The following PCDH15 variants were observed in gnomAD, a reference collection of about 807,000 sequenced individuals.
PCDH15 encodes the protein protocadherin-15.
Under a neutral mutation model 178.5 loss-of-function variants are expected in PCDH15, and 129 were observed. That is an observed-to-expected ratio of 0.72 (90% confidence interval 0.63 to 0.84). PCDH15 has a LOEUF of 0.84. Among genes scored for constraint, PCDH15 ranks in the 40% least tolerant of loss-of-function variants. The pLI is 0.00. For synonymous variants in PCDH15, 800 were observed against 732.0 expected (o/e 1.09, Z -1.50); for missense variants, 2,230 against 2,099.9 (o/e 1.06, Z -1.21).
chr10:54,759,319 G>A (rs899088256), intron 1 of PCDH15, among the ~76,000 whole-genome samples: 1 of 152,018 alleles, frequency 6.6e-6, no homozygotes, highest in Admixed American at 6.6e-5. Context: ...TCCTAAATTT[G>A]CTGTGAACCC....
rs531810280 is a variant in PCDH15 at position 55,091,830 on chromosome 10, C to T, written c.-80+74746G>A. Among the ~76,000 whole-genome samples, 11 of 151,874 alleles carry T rather than the reference C, an allele frequency of 7.2e-5. No individual in the cohort carries two copies. In the South Asian group the frequency reaches 1.5e-3, roughly 20 times the overall value. ...GGTAAGGACTCCTGTAATTTTGATA[C>T]AAATCCTTACCAAAAAACAAACAAA... On this transcript the variant is annotated intron_variant, in intron 2 of 5. Transcript: ENST00000458638.
intron 3 of PCDH15, among the ~76,000 whole-genome samples, chr10:54,439,200 G>A (rs1399748049): frequency 6.6e-6 from 1 of 151,976 alleles, no homozygotes; most frequent in Non-Finnish European, 1.5e-5. Context: ...GCATAAATAT[G>A]TATAAGGATT....
intron 2 of PCDH15, among the ~76,000 whole-genome samples, chr10:54,573,108 C>G (rs577899968): frequency 6.6e-6 from 1 of 152,166 alleles, no homozygotes; most frequent in East Asian, 1.9e-4. Context: ...GTTTACATAT[C>G]AATTTATACA....
chr10:54,306,543 C>T (rs2060482390), intron 8 of PCDH15, among the ~76,000 whole-genome samples: 1 of 152,106 alleles, frequency 6.6e-6, no homozygotes, highest in South Asian at 2.1e-4. Context: ...TTAAAGCCTT[C>T]AACTGACTGG....
chr10:55,425,886 T>A (rs1421758280), intron 2 of PCDH15, among the ~76,000 whole-genome samples: 2 of 152,188 alleles, frequency 1.3e-5, no homozygotes, highest in Non-Finnish European at 2.9e-5. Flanking sequence ...AAATTAAAAT[T>A]TCAAATTGTA....
intron 1 of PCDH15, among the ~76,000 whole-genome samples, chr10:54,693,086 T>C (rs2095157255): frequency 6.6e-6 from 1 of 152,036 alleles, no homozygotes; most frequent in South Asian, 2.1e-4. Context: ...TCTCTGTCTA[T>C]GTGTTCTCAT....
intron 2 of PCDH15, among the ~76,000 whole-genome samples, chr10:55,532,585 C>T (rs772594608): frequency 2.0e-5 from 3 of 151,992 alleles, no homozygotes; most frequent in Admixed American, 6.6e-5. Context: ...TAAAGCCAAA[C>T]GTAATTAAGA....
chr10:55,459,208 T>C (rs1219925668), intron 2 of PCDH15, among the ~76,000 whole-genome samples: 1 of 135,848 alleles, frequency 7.4e-6, no homozygotes, highest in African/African-American at 2.9e-5. Flanking sequence ...GAGAGGGCAA[T>C]TAGCAGCCGA....
intron 23 of PCDH15, 47 bp from the exon 24 acceptor site, chr10:53,941,022 T>G (rs566945343): frequency 7.5e-7 from 1 of 1,331,182 alleles, no homozygotes; most frequent in African/African-American, 1.5e-5. Context: ...ATATAATTTT[T>G]GATGTAACTT....
chr10:54,945,852 C>A (rs1181646870), intron 2 of PCDH15, among the ~76,000 whole-genome samples: 1 of 151,704 alleles, frequency 6.6e-6, no homozygotes, highest in Non-Finnish European at 1.5e-5. Context: ...CTGGGTGAGT[C>A]TATATTCTCA....
At chr10:54,645,426 T>C (rs534009731) in intron 2 of PCDH15, among the ~76,000 whole-genome samples, 1 of 151,542 alleles carries the variant, frequency 6.6e-6, no homozygotes, top group South Asian at 2.1e-4. Context: ...CACACACGAA[T>C]GAAAAATAGT....
intron 6 of PCDH15, among the ~76,000 whole-genome samples, chr10:54,341,816 T>C (rs1286521367): frequency 6.6e-6 from 1 of 152,164 alleles, no homozygotes. Flanking sequence ...CAAAAGTCAC[T>C]CTTGCTATGC....
intron 3 of PCDH15, among the ~76,000 whole-genome samples, chr10:54,401,037 G>T (rs536477514): frequency 6.6e-6 from 1 of 151,966 alleles, no homozygotes; most frequent in South Asian, 2.1e-4. Flanking sequence ...ATGTATTTTC[G>T]AAACCATTCA....
intron 2 of PCDH15, among the ~76,000 whole-genome samples, chr10:55,327,248 A>T (rs1844055865): frequency 6.6e-6 from 1 of 152,082 alleles, no homozygotes; most frequent in Non-Finnish European, 1.5e-5. Flanking sequence ...CTCTTACCAG[A>T]CACCAATTCT....
At chr10:55,386,964 T>C (rs1371846810) in intron 2 of PCDH15, among the ~76,000 whole-genome samples, 2 of 152,112 alleles carry the variant, frequency 1.3e-5, no homozygotes, top group Non-Finnish European at 2.9e-5. Flanking sequence ...TGTGTGCATG[T>C]CCACATATAT....
intron 2 of PCDH15, among the ~76,000 whole-genome samples, chr10:54,539,269 T>G (rs184960990): frequency 6.6e-6 from 1 of 152,172 alleles, no homozygotes; most frequent in Non-Finnish European, 1.5e-5. Context: ...AGGCTCAAAG[T>G]AAAGGGCTGG....
chr10:54,736,165 T>C (rs1944089549), intron 1 of PCDH15, among the ~76,000 whole-genome samples: 1 of 152,050 alleles, frequency 6.6e-6, no homozygotes, highest in South Asian at 2.1e-4. Flanking sequence ...TCTAACTCTG[T>C]AGCATGTGAC....
At chr10:54,338,655 A>C (rs146503221) in intron 6 of PCDH15, among the ~76,000 whole-genome samples, 1 of 152,306 alleles carries the variant, frequency 6.6e-6, no homozygotes, top group East Asian at 1.9e-4. Context: ...CTGAAACACC[A>C]CTGTAATACC....
At chr10:54,240,626 C>CTTTTTTTTTTTT (rs1228784141) in intron 8 of PCDH15, among the ~76,000 whole-genome samples, 3 of 79,682 alleles carry the variant, frequency 3.8e-5, no homozygotes, top group Admixed American at 2.0e-4. Context: ...TTTTCTTTTG[C>CTTTTTTTTTTTT]TTTTTTTTTT....
Sources: gnomAD v4.1 joint callset for allele counts (sites outside exome capture counted in the v4.1 genomes callset) on GRCh38, gnomAD v4.1.1 for gene constraint, MANE v1.5 for transcripts, NCBI Gene and HGNC (gene_info 2026-07-23, HGNC 2026-07-21) for gene names.